PPTC7: variants seen among roughly 807,000 people sequenced by gnomAD.
The protein encoded by PPTC7 is protein phosphatase targeting COQ7, also known as protein phosphatase PTC7 homolog.
Under a neutral mutation model 30.8 loss-of-function variants are expected in PPTC7, and 6 were observed. The observed-to-expected ratio is 0.19, with a 90% CI of 0.11 to 0.38. The LOEUF is 0.38. Among genes scored for constraint, PPTC7 ranks in the 10% least tolerant of loss-of-function variants. The pLI is 1.00. For missense variants in PPTC7, 218 were observed against 404.8 expected (o/e 0.54, Z 3.96); for synonymous variants, 163 against 168.1 (o/e 0.97, Z 0.23).
At chr12:110,550,923 C>T (rs1227118845) in intron 2 of PPTC7, among the ~76,000 whole-genome samples, 1 of 152,142 alleles carries the variant, frequency 6.6e-6, no homozygotes, top group African/African-American at 2.4e-5. Flanking sequence ...CTTCTTTCTT[C>T]TTTTACCAAA....
intron 4 of PPTC7, among the ~76,000 whole-genome samples, chr12:110,538,726 C>T (rs1346115409): frequency 6.6e-6 from 1 of 152,094 alleles, no homozygotes; most frequent in Non-Finnish European, 1.5e-5. Flanking sequence ...TTGGGCCATA[C>T]CTTTATCCTT....
intron 1 of PPTC7, among the ~76,000 whole-genome samples, chr12:110,562,140 C>CCATGCCTGGTGGCG (rs756227286): frequency 6.6e-6 from 1 of 151,674 alleles, no homozygotes; most frequent in Non-Finnish European, 1.5e-5. Context: ...AAAAAATTAG[C>CCATGCCTGGTGGCG]CATGCCTGGT....
At chr12:110,562,641 A>G (rs1407925941) in intron 1 of PPTC7, among the ~76,000 whole-genome samples, 1 of 151,450 alleles carries the variant, frequency 6.6e-6, no homozygotes, top group African/African-American at 2.4e-5. Context: ...AAAAATACAA[A>G]AATGACCCAG....
At position 110,538,160 on chromosome 12, in the gene PPTC7, A is replaced by G; in HGVS notation, c.840T>C (p.Asn280=). The stretch of plus-strand genomic sequence containing the variant: ...AATGCTTACCTCTCACATTCAATCC[A>G]TTGTCACATGCAAACTGTGCAAAAG... ...MSPFAQFACD[N]GLNVRGGKPD... Residue 280 remains asparagine (N), a synonymous_variant, in exon 5 of 6, where the codon AAT becomes AAC. Transcript: ENST00000354300. 1 of 1,614,080 alleles carries G rather than the reference A, an allele frequency of 6.2e-7. No individual in the cohort carries two copies. The highest frequency in any genetic ancestry group is 2.2e-5 in the East Asian group (1 of 44,882).
intron 3 of PPTC7, among the ~76,000 whole-genome samples, chr12:110,542,672 T>TA (rs2064270479): frequency 2.0e-5 from 1 of 51,278 alleles, no homozygotes; most frequent in Non-Finnish European, 3.5e-5. Context: ...AGACTCTGTC[T>TA]CAAAAAAAAA....
At chr12:110,556,650 C>T (rs2064389636) in intron 1 of PPTC7, among the ~76,000 whole-genome samples, 1 of 152,186 alleles carries the variant, frequency 6.6e-6, no homozygotes, top group Non-Finnish European at 1.5e-5. Context: ...ACACAACTAT[C>T]AAACAGCAAA....
chr12:110,578,218 A>G (rs1455051501), intron 1 of PPTC7, among the ~76,000 whole-genome samples: 1 of 152,206 alleles, frequency 6.6e-6, no homozygotes, highest in Non-Finnish European at 1.5e-5. Context: ...TTCTATTGTT[A>G]AGTAGCATAA....
rs1426827774 is a variant in PPTC7, at chr12:110,535,354, A to G, written c.*1683T>C. On this transcript the variant is annotated 3_prime_UTR_variant, in exon 6 of 6. Coordinates refer to ENST00000354300, the MANE Select transcript of PPTC7 (RefSeq NM_139283.2). ...AAATTACTGAACGGCTTACAAATGA[A>G]TAACTCATTCTTATTATAAATGAAA... The G allele has an allele frequency of 6.5e-6, 1 of 152,690 alleles. No homozygotes were observed. Among genetic ancestry groups the G allele is most frequent in the Non-Finnish European group, 1.5e-5 (1 of 68,044 alleles). The allele number at this position is 152,690 out of a possible 1,614,324, so 9.5% of individuals were successfully genotyped here.
At chr12:110,540,139 T>A (rs528796242) in intron 3 of PPTC7, among the ~76,000 whole-genome samples, 194 bp from the exon 4 acceptor site, 1 of 152,272 alleles carries the variant, frequency 6.6e-6, no homozygotes, top group African/African-American at 2.4e-5. Flanking sequence ...AATTCTAATA[T>A]AAATGTTTCA....
chr12:110,582,452 T>G (rs1376411653), intron 1 of PPTC7, among the ~76,000 whole-genome samples: 1 of 152,062 alleles, frequency 6.6e-6, no homozygotes, highest in East Asian at 1.9e-4. Flanking sequence ...AGAACGAGGT[T>G]AGGAGCCTGC....
At chr12:110,542,633 T>A (rs1219730954) in intron 3 of PPTC7, among the ~76,000 whole-genome samples, 1 of 130,106 alleles carries the variant, frequency 7.7e-6, no homozygotes, top group Non-Finnish European at 1.5e-5. Flanking sequence ...ATTGCGCCAC[T>A]GCACTCCAGC....
At chr12:110,558,677 G>T (rs1446240433) in intron 1 of PPTC7, among the ~76,000 whole-genome samples, 2 of 152,240 alleles carry the variant, frequency 1.3e-5, no homozygotes, top group Non-Finnish European at 2.9e-5. Flanking sequence ...CCAGGCTGGA[G>T]TGCAGTGGTG....
At chr12:110,578,135 GT>G (rs1220408287) in intron 1 of PPTC7, among the ~76,000 whole-genome samples, 2 of 152,132 alleles carry the variant, frequency 1.3e-5, no homozygotes, top group African/African-American at 4.8e-5. Context: ...CTGGAGGCCT[GT>G]TTTCTCATCA....
At chr12:110,580,169 C>T (rs1259652763) in intron 1 of PPTC7, among the ~76,000 whole-genome samples, 1 of 152,192 alleles carries the variant, frequency 6.6e-6, no homozygotes, top group Non-Finnish European at 1.5e-5. Context: ...CTGCCCAAGA[C>T]CACAAATCAC....
chr12:110,536,964 T>C lies in PPTC7; in HGVS notation c.*73A>G. 1 of 1,162,810 alleles carries C rather than the reference T, an allele frequency of 8.6e-7. No homozygotes were observed. 72.0% of individuals were successfully genotyped at this position (1,162,810 alleles called of 1,614,324 possible). A position where few individuals can be genotyped will look rare whatever the true frequency, so the allele number is the denominator to read the frequency against. ...GATCAGTGGCAAAGAAATGTGGTCCTGCCAGCAGGATCAGCACACATGGCA... is the reference window on the plus strand; with the variant it reads ...GATCAGTGGCAAAGAAATGTGGTCCCGCCAGCAGGATCAGCACACATGGCA... On this transcript the variant is annotated 3_prime_UTR_variant, in exon 6 of 6. Transcript: ENST00000354300.
chr12:110,566,833 T>C (rs935240597), intron 1 of PPTC7, among the ~76,000 whole-genome samples: 1 of 152,136 alleles, frequency 6.6e-6, no homozygotes, highest in South Asian at 2.1e-4. Flanking sequence ...AAACATTCAA[T>C]AGTAACATTT....
chr12:110,562,085 C>T (rs1344503897), intron 1 of PPTC7, among the ~76,000 whole-genome samples: 2 of 151,896 alleles, frequency 1.3e-5, no homozygotes, highest in East Asian at 3.9e-4. Context: ...CACTGCAATC[C>T]AGTCTGGGTG....
At chr12:110,542,688 A>AG (rs1565917046) in intron 3 of PPTC7, among the ~76,000 whole-genome samples, 1 of 150,764 alleles carries the variant, frequency 6.6e-6, no homozygotes, top group African/African-American at 2.4e-5. Context: ...AAAAAAAAAA[A>AG]AAAAAAAAAA....
intron 1 of PPTC7, among the ~76,000 whole-genome samples, chr12:110,557,429 T>C (rs2064398603): frequency 6.6e-6 from 1 of 151,974 alleles, no homozygotes; most frequent in African/African-American, 2.4e-5. Context: ...CACACCCTGA[T>C]ACACCCCGCT....
Sources: allele counts gnomAD v4.1 joint callset (sites outside exome capture counted in the v4.1 genomes callset), GRCh38; gene constraint gnomAD v4.1.1; transcripts MANE v1.5; gene names NCBI Gene and HGNC (gene_info 2026-07-23, HGNC 2026-07-21).